Variants in ADAMTSL1 observed in about 807,000 individuals in gnomAD.
ADAMTSL1 encodes ADAMTS like 1, also known as ADAMTS-like protein 1.
A neutral mutation model predicts 201.8 loss-of-function variants in ADAMTSL1; 126 were observed. The observed-to-expected ratio is 0.62, with a 90% CI of 0.54 to 0.72. The LOEUF (loss-of-function observed/expected upper bound fraction) is 0.72. Ranked by LOEUF, ADAMTSL1 falls within the 30% of genes least tolerant of loss-of-function variation. The pLI is 0.00. For missense variants in ADAMTSL1, 2,679 were observed against 2,277.8 expected, an observed-to-expected ratio of 1.18 and a Z score of -3.59; for synonymous variants, 1,121 against 903.4, an observed-to-expected ratio of 1.24 and a Z score of -4.32.
At chr9:18,169,609 G>A (rs1441242648) in intron 2 of ADAMTSL1, among the ~76,000 whole-genome samples, 5 of 152,096 alleles carry the variant, frequency 3.3e-5, no homozygotes, top group Non-Finnish European at 7.4e-5. Flanking sequence ...GGCGATGCGG[G>A]CTCTTTTTTA....
intron 14 of ADAMTSL1, among the ~76,000 whole-genome samples, chr9:18,719,775 G>C (rs1833220725): frequency 6.6e-6 from 1 of 152,178 alleles, no homozygotes; most frequent in Non-Finnish European, 1.5e-5. Context: ...AAGTGGACTA[G>C]ATCAATGTCA....
chr9:18,029,166 G>A (rs1367415935), intron 1 of ADAMTSL1, among the ~76,000 whole-genome samples: 1 of 152,148 alleles, frequency 6.6e-6, no homozygotes, highest in Non-Finnish European at 1.5e-5. Context: ...TTTGGGCTGA[G>A]ATGATGGGGT....
intron 1 of ADAMTSL1, among the ~76,000 whole-genome samples, chr9:17,979,132 A>G (rs1818579502): frequency 6.6e-6 from 1 of 151,992 alleles, no homozygotes. Flanking sequence ...GTTTGATTAT[A>G]ATGTATCTGA....
intron 2 of ADAMTSL1, among the ~76,000 whole-genome samples, chr9:18,421,833 A>C (rs1302261331): frequency 6.6e-6 from 1 of 152,166 alleles, no homozygotes; most frequent in Non-Finnish European, 1.5e-5. Flanking sequence ...AGTTACTCAA[A>C]TGCAATACCA....
At chr9:18,146,267 A>AAATT (rs1826635484) in intron 1 of ADAMTSL1, among the ~76,000 whole-genome samples, 1 of 152,174 alleles carries the variant, frequency 6.6e-6, no homozygotes, top group African/African-American at 2.4e-5. Context: ...ACCAATTTGA[A>AAATT]AATTTATGTC....
At chr9:18,456,916 C>G (rs1352372264) in intron 2 of ADAMTSL1, among the ~76,000 whole-genome samples, 1 of 152,208 alleles carries the variant, frequency 6.6e-6, no homozygotes, top group Non-Finnish European at 1.5e-5. Context: ...CCTTTCTCCT[C>G]TGGCTGGAAT....
intron 23 of ADAMTSL1, among the ~76,000 whole-genome samples, chr9:18,842,131 G>C (rs1161642484): frequency 2.0e-5 from 3 of 151,778 alleles, no homozygotes; most frequent in African/African-American, 4.8e-5. Context: ...TGTGATGTTA[G>C]GGTGTCAATT....
Position 18,592,407 on chromosome 9 carries a change from TC to T in ADAMTSL1, c.474+18142del, listed in dbSNP as rs577079457. Among the ~76,000 whole-genome samples, 728 of 152,308 alleles carry T rather than the reference TC, an allele frequency of 4.8e-3. 4 individuals carry two copies. The highest frequency in any genetic ancestry group is 4.7e-3 in the Non-Finnish European group (317 of 68,024). ...TGAGGTACCCACTTATCAAGCTTTATCATCTTTCCAATTTGCTTCAAATGCT... is the reference window on the plus strand; with the variant it reads ...TGAGGTACCCACTTATCAAGCTTTATATCTTTCCAATTTGCTTCAAATGCT... On this transcript the variant is annotated intron_variant, in intron 4 of 28. Transcript: ENST00000380548.
chr9:18,235,600 C>T (rs1200211945), intron 2 of ADAMTSL1, among the ~76,000 whole-genome samples: 2 of 152,178 alleles, frequency 1.3e-5, no homozygotes, highest in Admixed American at 6.5e-5. Context: ...TAAGTAATCA[C>T]CTTGAAATAG....
intron 2 of ADAMTSL1, among the ~76,000 whole-genome samples, chr9:18,204,794 G>T (rs1313143743): frequency 6.6e-6 from 1 of 152,062 alleles, no homozygotes; most frequent in East Asian, 1.9e-4. Flanking sequence ...CAATCTGGTT[G>T]CCCTGGGCAA....
chr9:17,935,723 C>A (rs2131331490), intron 1 of ADAMTSL1, among the ~76,000 whole-genome samples: 1 of 152,304 alleles, frequency 6.6e-6, no homozygotes, highest in Admixed American at 6.5e-5. Context: ...GCTGTTCTAT[C>A]TGTAGGTGCA....
chr9:18,271,661 CA>C (rs1286613593), intron 2 of ADAMTSL1, among the ~76,000 whole-genome samples: 2 of 152,130 alleles, frequency 1.3e-5, no homozygotes, highest in African/African-American at 4.8e-5. Flanking sequence ...TTTATAGCAG[CA>C]TGATTTATAA....
intron 2 of ADAMTSL1, among the ~76,000 whole-genome samples, chr9:18,213,538 T>C (rs1829957410): frequency 6.6e-6 from 1 of 152,230 alleles, no homozygotes; most frequent in South Asian, 2.1e-4. Context: ...GAGCTCACAC[T>C]AAAGCATAAA....
At position 18,770,513 on chromosome 9, in the gene ADAMTSL1, T is replaced by C. The variant is rs956339033; in HGVS notation, c.2218-89T>C. On this transcript the variant is annotated intron_variant, in intron 16 of 28. Transcript: ENST00000380548. ...TCTTCTGGATTTTTTTTTCTTCCTT[T>C]ACTCTGCCAAATTAAGATAAGAATT... 8.8e-5 allele frequency: 117 copies of C among 1,336,906 alleles called. 2 individuals are homozygous for C. In the South Asian group the frequency reaches 1.8e-3, roughly 20 times the overall value. The allele number at this position is 1,336,906 out of a possible 1,614,324, so 82.8% of individuals were successfully genotyped here.
chr9:18,538,868 G>T (rs1156321716), intron 3 of ADAMTSL1, among the ~76,000 whole-genome samples: 2 of 152,186 alleles, frequency 1.3e-5, no homozygotes, highest in African/African-American at 4.8e-5. Flanking sequence ...ACATATGGAA[G>T]AAACAATGAC....
chr9:18,405,073 G>A (rs1818132933), intron 2 of ADAMTSL1, among the ~76,000 whole-genome samples: 1 of 152,026 alleles, frequency 6.6e-6, no homozygotes, highest in African/African-American at 2.4e-5. Flanking sequence ...AATACCTGAC[G>A]TGTTTGTCTC....
At chr9:18,305,306 C>T (rs1833867075) in intron 2 of ADAMTSL1, among the ~76,000 whole-genome samples, 1 of 152,160 alleles carries the variant, frequency 6.6e-6, no homozygotes. Flanking sequence ...AAGCTAGCTG[C>T]AGGAGATTTT....
intron 1 of ADAMTSL1, among the ~76,000 whole-genome samples, chr9:18,043,621 G>A (rs532727202): frequency 6.6e-6 from 1 of 152,060 alleles, no homozygotes; most frequent in East Asian, 1.9e-4. Context: ...GACTTCTAGA[G>A]GGAAGATATG....
intron 1 of ADAMTSL1, among the ~76,000 whole-genome samples, chr9:18,073,331 C>T (rs1374935577): frequency 2.0e-5 from 3 of 152,182 alleles, no homozygotes; most frequent in Non-Finnish European, 4.4e-5. Context: ...ATCCACATCT[C>T]AACTAGTTTT....
Sources: allele counts gnomAD v4.1 joint callset (sites outside exome capture counted in the v4.1 genomes callset), GRCh38; gene constraint gnomAD v4.1.1; transcripts MANE v1.5; gene names NCBI Gene and HGNC (gene_info 2026-07-23, HGNC 2026-07-21).